Variants in DDIT4 observed in about 807,000 individuals in gnomAD.
DDIT4 encodes DNA damage inducible transcript 4.
A neutral mutation model predicts 20.2 loss-of-function variants in DDIT4; 20 were observed. That is an observed-to-expected ratio of 0.99 (90% CI 0.70 to 1.44). DDIT4 has a LOEUF of 1.44. DDIT4 is among the 40% of genes most tolerant of loss of function. The pLI is 0.00. For missense variants in DDIT4, 316 were observed against 298.1 expected, an observed-to-expected ratio of 1.06 and a Z score of -0.44; for synonymous variants, 152 against 144.6, an observed-to-expected ratio of 1.05 and a Z score of -0.37.
chr10:72,274,972 C>T lies in DDIT4; in HGVS notation c.483C>T (p.Gly161=), dbSNP rs1860810325. The T allele has an allele frequency of 5.0e-6, 8 of 1,613,084 alleles. No individual in the cohort carries two copies. The Admixed American group carries it at 8.3e-5, about 17-fold the overall frequency. ...VEQGKSCHSV[G]QLALDPSLVP... is the part of the protein sequence containing the mutation. The stretch of plus-strand genomic sequence containing the variant: ...AGGGCAAGAGCTGCCACAGCGTGGG[C>T]CAGCTGGCACTCGACCCCAGCCTGG... The change falls in exon 3 of 3, where the codon GGC becomes GGT. Residue 161 remains glycine (G), a synonymous_variant. Coordinates refer to ENST00000307365, the MANE Select transcript of DDIT4 (RefSeq NM_019058.4).
chr10:72,274,821 C>T lies in DDIT4; in HGVS notation c.332C>T (p.Ser111Phe), dbSNP rs143474945. The T allele has an allele frequency of 1.1e-4, 178 of 1,613,652 alleles. No individual in the cohort carries two copies. In the African/African-American group the frequency reaches 2.1e-3, roughly 19 times the overall value. Residue 111 changes from serine (S) to phenylalanine (F), a missense_variant, in exon 3 of 3, where the codon TCT becomes TTT. By Grantham distance (155) the Ser-to-Phe change is radical. Transcript: ENST00000307365. ...AGCCTGGCCCAGGCGCGGCTGGGCT[C>T]TCGACGCCCTGCGCGCCTGCTGATG... Reference protein sequence around the residue: ...QESLAQARLGSRRPARLLMPS... With the variant: ...QESLAQARLGFRRPARLLMPS...
chr10:72,274,070 C>G lies in DDIT4; in HGVS notation c.-61+10C>G, dbSNP rs1488228911. On this transcript the variant is annotated intron_variant, in intron 1 of 2. Transcript: ENST00000307365. ...CTGACCGCGCTAGCTGGTGAGTGTC[C>G]CTTCTGTGTGTGGGTCCTAGAGCTC... 8 of 694,918 alleles carry G rather than the reference C, an allele frequency of 1.2e-5. No homozygotes were observed. The East Asian group carries it at 2.0e-4, about 18-fold the overall frequency. The allele number at this position is 694,918 out of a possible 1,614,324, so 43.0% of individuals were successfully genotyped here. A position where few individuals can be genotyped will look rare whatever the true frequency, so the allele number is the denominator to read the frequency against.
rs1043934273 is a variant in DDIT4 at position 72,273,933 on chromosome 10, C to T, written c.-188C>T. 3.5e-5 allele frequency: 18 copies of T among 507,386 alleles called. No homozygotes were observed. Among genetic ancestry groups the T allele is most frequent in the African/African-American group, 1.8e-4 (9 of 50,988 alleles). The allele number at this position is 507,386 out of a possible 1,614,324, so 31.4% of individuals were successfully genotyped here. On this transcript the variant is annotated 5_prime_UTR_variant, in exon 1 of 3. Transcript: ENST00000307365. ...GCGCTGGTGCTAGGGCGCAGCAGGC[C>T]AAGGGGGAGGTGCGAGCGTGGACCT...
chr10:72,273,978 C>T lies in DDIT4; in HGVS notation c.-143C>T, dbSNP rs1237828999. ...GGACCTGGGACGGGTCTGGGCGGCTCTCGGTGGTTGGCACGGGTTCGCACA... is the reference window on the plus strand; with the variant it reads ...GGACCTGGGACGGGTCTGGGCGGCTTTCGGTGGTTGGCACGGGTTCGCACA... On this transcript the variant is annotated 5_prime_UTR_variant, in exon 1 of 3. Coordinates refer to ENST00000307365, the MANE Select transcript of DDIT4 (RefSeq NM_019058.4). The T allele has an allele frequency of 1.7e-6, 1 of 573,666 alleles. No homozygotes were observed. Among genetic ancestry groups the T allele is most frequent in the Non-Finnish European group, 3.1e-6 (1 of 320,330 alleles). 35.5% of individuals were successfully genotyped at this position (573,666 alleles called of 1,614,324 possible). A position where few individuals can be genotyped will look rare whatever the true frequency, so the allele number is the denominator to read the frequency against.
In DDIT4 at chr10:72,275,110, C is replaced by T; in HGVS notation, c.621C>T (p.Ser207=). The part of the protein sequence containing the change: ...NSPFLPGFSQ[S]LTLSTGFRVI... ...CCTTCCTCCCTGGCTTCAGCCAGTC[C>T]CTGACGCTGAGCACTGGCTTCCGAG... Residue 207 remains serine (S), a synonymous_variant, in exon 3 of 3, where the codon TCC becomes TCT. Coordinates refer to ENST00000307365, the MANE Select transcript of DDIT4 (RefSeq NM_019058.4). 2 of 1,613,298 alleles carry T rather than the reference C, an allele frequency of 1.2e-6. No individual in the cohort carries two copies. Among genetic ancestry groups the T allele is most frequent in the Non-Finnish European group, 1.7e-6 (2 of 1,179,960 alleles).
chr10:72,274,008 T>G lies in DDIT4; in HGVS notation c.-113T>G. The G allele has an allele frequency of 1.7e-6, 1 of 589,012 alleles. No individual in the cohort carries two copies. Among genetic ancestry groups the G allele is most frequent in the South Asian group, 2.0e-5 (1 of 51,262 alleles). The allele number at this position is 589,012 out of a possible 1,614,324, so 36.5% of individuals were successfully genotyped here. On this transcript the variant is annotated 5_prime_UTR_variant, in exon 1 of 3. Coordinates refer to ENST00000307365, the MANE Select transcript of DDIT4 (RefSeq NM_019058.4). ...TGGTTGGCACGGGTTCGCACACCCA[T>G]TCAAGCGGCAGGACGCACTTGTCTT...
chr10:72,274,121 G>T, intron 1 of DDIT4, 36 bp from the exon 2 acceptor site: 1 of 996,362 alleles, frequency 1.0e-6, no homozygotes, highest in South Asian at 1.3e-5. Context: ...CTGGTCCCCA[G>T]ACTGACGCCT....
chr10:72,274,607 G>C lies in DDIT4; in HGVS notation c.206-88G>C, dbSNP rs1028745824. 11 of 1,487,558 alleles carry C rather than the reference G, an allele frequency of 7.4e-6. No individual in the cohort carries two copies. The African/African-American group carries it at 1.5e-4, about 21-fold the overall frequency. The allele number at this position is 1,487,558 out of a possible 1,614,324, so 92.1% of individuals were successfully genotyped here. On this transcript the variant is annotated intron_variant, in intron 2 of 2. Transcript: ENST00000307365. The stretch of plus-strand genomic sequence containing the variant: ...GAGGCACGGAGTGGGAAGGAGCGTT[G>C]GTTTCTTAAGGAAACAGCACCTCCC...
intron 2 of DDIT4, 118 bp downstream of exon 2, chr10:72,274,539 G>A: frequency 7.1e-7 from 1 of 1,409,396 alleles, no homozygotes; most frequent in Non-Finnish European, 9.5e-7. Flanking sequence ...AGATTGCTTG[G>A]GGGCAGGGGG....
Position 72,274,175 on chromosome 10 carries a change from A to G in DDIT4, c.-42A>G. 6.6e-7 allele frequency: 1 copy of G among 1,505,746 alleles called. No homozygotes were observed. Among genetic ancestry groups the G allele is most frequent in the South Asian group, 1.1e-5 (1 of 88,984 alleles). 93.3% of individuals were successfully genotyped at this position (1,505,746 alleles called of 1,614,324 possible). A position where few individuals can be genotyped will look rare whatever the true frequency, so the allele number is the denominator to read the frequency against. Reference sequence around the variant, plus strand: ...CTTACAGCGGCTTCTACGCTCCGGCACTCTGAGTTCATCAGCAAACGCCCT... The same window carrying G: ...CTTACAGCGGCTTCTACGCTCCGGCGCTCTGAGTTCATCAGCAAACGCCCT... On this transcript the variant is annotated 5_prime_UTR_variant, in exon 2 of 3. Coordinates refer to ENST00000307365, the MANE Select transcript of DDIT4 (RefSeq NM_019058.4).
In DDIT4 at chr10:72,274,292, C is replaced by T. The variant is rs764501101; in HGVS notation, c.76C>T (p.Pro26Ser). 1.1e-5 allele frequency: 18 copies of T among 1,613,374 alleles called. No homozygotes were observed. Among genetic ancestry groups the T allele is most frequent in the Middle Eastern group, 3.3e-4 (2 of 6,084 alleles). Residue 26 changes from proline to serine, a missense_variant, in exon 2 of 3, where the codon CCA becomes TCA. Transcript: ENST00000307365. ...CTCGTCCTTGCCCCGAACTCCCACC[C>T]CAGATCGGCCGCCGCGCTCAGCCTG... The part of the protein sequence containing the change: ...SPSSLPRTPT[P>S]DRPPRSAWGS...
In DDIT4 at chr10:72,275,321, TG is replaced by T; in HGVS notation, c.*138del. ...CTGAGGCAGCCACCTAAGGTGGAGG[TG>T]GGGGAATAGTGTTTCCCAGGAAGCT... On this transcript the variant is annotated 3_prime_UTR_variant, in exon 3 of 3. Transcript: ENST00000307365. The T allele has an allele frequency of 2.0e-6, 2 of 1,007,734 alleles. No individual in the cohort carries two copies. The highest frequency in any genetic ancestry group is 2.8e-6 in the Non-Finnish European group (2 of 703,588). The allele number at this position is 1,007,734 out of a possible 1,614,324, so 62.4% of individuals were successfully genotyped here. A position where few individuals can be genotyped will look rare whatever the true frequency, so the allele number is the denominator to read the frequency against.
At position 72,275,220 on chromosome 10, in the gene DDIT4, C is replaced by T; in HGVS notation, c.*32C>T. On this transcript the variant is annotated 3_prime_UTR_variant, in exon 3 of 3. Transcript: ENST00000307365. ...ACCTGAGGGGGCCGACAGTGCCCTC[C>T]AAGACAGAGACGACTGAACTTTTGG... 2 of 1,577,140 alleles carry T rather than the reference C, an allele frequency of 1.3e-6. No homozygotes were observed. The highest frequency in any genetic ancestry group is 1.7e-6 in the Non-Finnish European group (2 of 1,166,968).
rs568303144 is a variant in DDIT4, at chr10:72,275,062, G to T, written c.573G>T (p.Gly191=). 4.2e-5 allele frequency: 67 copies of T among 1,613,554 alleles called. 1 individual carries two copies. In the South Asian group the frequency reaches 7.1e-4, roughly 17 times the overall value. The part of the protein sequence containing the change: ...LDSRLWPKIQ[G]LFSSANSPFL... ...CACGACTCTGGCCCAAGATCCAGGG[G>T]CTGTTTAGCTCCGCCAACTCTCCCT... is the stretch of plus-strand genomic sequence containing the variant. The change falls in exon 3 of 3, where the codon GGG becomes GGT. Residue 191 remains glycine (G), a synonymous_variant. Transcript: ENST00000307365.
In DDIT4 at chr10:72,275,386, A is replaced by AGCACTGAGCGGGGG. The variant is rs1860817699; in HGVS notation, c.*198_*199insGCACTGAGCGGGGG. ...GCGGGTGGCTGTGCATTGGGGACAC[A>AGCACTGAGCGGGGG]TACCCCTCAGTACTGTAGCATGAAA... On this transcript the variant is annotated 3_prime_UTR_variant, in exon 3 of 3. Coordinates refer to ENST00000307365, the MANE Select transcript of DDIT4 (RefSeq NM_019058.4). 2 of 616,834 alleles carry AGCACTGAGCGGGGG rather than the reference A, an allele frequency of 3.2e-6. No homozygotes were observed. Among genetic ancestry groups the AGCACTGAGCGGGGG allele is most frequent in the South Asian group, 4.0e-5 (2 of 50,374 alleles). 38.2% of individuals were successfully genotyped at this position (616,834 alleles called of 1,614,324 possible). A position where few individuals can be genotyped will look rare whatever the true frequency, so the allele number is the denominator to read the frequency against.
intron 2 of DDIT4, 111 bp from the exon 3 acceptor site, chr10:72,274,584 G>C (rs1860803966): frequency 1.4e-6 from 2 of 1,451,354 alleles, no homozygotes; most frequent in Non-Finnish European, 1.8e-6. Flanking sequence ...CGGAAACTGA[G>C]GCACGGAGTG....
Position 72,274,778 on chromosome 10 carries a change from A to ATGCAGCTGC in DDIT4, c.295_303dup (p.Leu99_Gln101dup), listed in dbSNP as rs1448288031. The ATGCAGCTGC allele has an allele frequency of 4.3e-6, 7 of 1,613,896 alleles. No homozygotes were observed. Among genetic ancestry groups the ATGCAGCTGC allele is most frequent in the Non-Finnish European group, 5.9e-6 (7 of 1,180,024 alleles). On this transcript the variant is annotated inframe_insertion, in exon 3 of 3. Transcript: ENST00000307365. ...GGATGAACACTTGTGTGCCAACCTG[A>ATGCAGCTGC]TGCAGCTGCTGCAGGAGAGCCTGGC...
rs761005362 is a variant in DDIT4, at chr10:72,274,290, C to T, written c.74C>T (p.Thr25Ile). 3.3e-5 allele frequency: 53 copies of T among 1,613,340 alleles called. No homozygotes were observed. The highest frequency in any genetic ancestry group is 6.7e-5 in the East Asian group (3 of 44,870). The change falls in exon 2 of 3, where the codon ACC becomes ATC. Residue 25 changes from threonine to isoleucine, a missense_variant. Transcript: ENST00000307365. ...CCCTCGTCCTTGCCCCGAACTCCCA[C>T]CCCAGATCGGCCGCCGCGCTCAGCC... Reference protein sequence around the residue: ...SSPSSLPRTPTPDRPPRSAWG... With the variant: ...SSPSSLPRTPIPDRPPRSAWG...
Position 72,273,949 on chromosome 10 carries a change from G to A in DDIT4, c.-172G>A, listed in dbSNP as rs574234820. On this transcript the variant is annotated 5_prime_UTR_variant, in exon 1 of 3. Coordinates refer to ENST00000307365, the MANE Select transcript of DDIT4 (RefSeq NM_019058.4). ...GCAGCAGGCCAAGGGGGAGGTGCGA[G>A]CGTGGACCTGGGACGGGTCTGGGCG... 2.6e-5 allele frequency: 14 copies of A among 531,628 alleles called. No individual in the cohort carries two copies. Among genetic ancestry groups the A allele is most frequent in the South Asian group, 6.2e-5 (3 of 48,230 alleles). The allele number at this position is 531,628 out of a possible 1,614,324, so 32.9% of individuals were successfully genotyped here.
Sources: gnomAD v4.1 joint callset for allele counts on GRCh38, gnomAD v4.1.1 for gene constraint, MANE v1.5 for transcripts, NCBI Gene and HGNC (gene_info 2026-07-23, HGNC 2026-07-21) for gene names.